The following COL7A1 variants were observed in gnomAD, a reference collection of about 807,000 sequenced individuals.
COL7A1 encodes the protein collagen type VII alpha 1 chain.
COL7A1 carries 296 observed loss-of-function variants against 456.2 expected under a neutral mutation model. The ratio of observed to expected loss-of-function variants is 0.65; its 90% CI spans 0.59 to 0.71. The LOEUF is 0.71. Ranked by LOEUF, COL7A1 falls within the 30% of genes least tolerant of loss-of-function variation. COL7A1 has a pLI of 0.00. For synonymous variants in COL7A1, 1,464 were observed against 1,525.9 expected (o/e 0.96, Z 0.95); for missense variants, 3,441 against 4,017.2 (o/e 0.86, Z 3.88).
In COL7A1 at chr3:48,586,251, G is replaced by T; in HGVS notation, c.3551-5C>A. 1 of 1,613,702 alleles carries T rather than the reference G, an allele frequency of 6.2e-7. No homozygotes were observed. Among genetic ancestry groups the T allele is most frequent in the Non-Finnish European group, 8.5e-7 (1 of 1,180,014 alleles). ...CCAACATCACCACATTAAGCCCTAA[G>T]GTGGGGTCCAGTGGCTGCATGATAG... On this transcript the variant is annotated splice_region_variant and splice_polypyrimidine_tract_variant and intron_variant, in intron 27 of 118. Transcript: ENST00000681320. The surrounding 1 kb of genome is among the most constrained non-coding windows in gnomAD (Gnocchi z 5.1).
rs2045368500 is a variant in COL7A1, at chr3:48,587,619, TGA to T, written c.2858-67_2858-66del. 2 of 1,610,928 alleles carry T rather than the reference TGA, an allele frequency of 1.2e-6. No individual in the cohort carries two copies. The highest frequency in any genetic ancestry group is 2.7e-5 in the African/African-American group (2 of 74,856). On this transcript the variant is annotated intron_variant, in intron 22 of 118. Transcript: ENST00000681320. This position sits in a 1 kb window ranked among gnomAD's most constrained non-coding sequence, Gnocchi z 6.1. ...CCTGAGAACCCAGAAGGGAGAGATC[TGA>T]GATCCTGGGTCCGGTTTGTCTTATT... is the stretch of plus-strand genomic sequence containing the variant.
In COL7A1 at chr3:48,576,715, C is replaced by T. The variant is rs371009419; in HGVS notation, c.5661G>A (p.Gly1887=). Residue 1887 remains glycine (G), a synonymous_variant, in exon 68 of 119, where the codon GGG becomes GGA. Coordinates refer to ENST00000681320, the MANE Select transcript of COL7A1 (RefSeq NM_000094.4). ...CCACTGGCCCTGGGAGGCCTGGAGG[C>T]CCCTGGGGTCCAAGGATACCAGGAG... ...RGAPGILGPQ[G]PPGLPGPVGP... is the part of the protein sequence containing the mutation. The T allele has an allele frequency of 6.2e-7, 1 of 1,610,162 alleles. No individual in the cohort carries two copies. Among genetic ancestry groups the T allele is most frequent in the Non-Finnish European group, 8.5e-7 (1 of 1,178,652 alleles).
chr3:48,591,115 T>C lies in COL7A1; in HGVS notation c.1637-299A>G, dbSNP rs1416927773. On this transcript the variant is annotated intron_variant, in intron 13 of 118. Transcript: ENST00000681320. This position sits in a 1 kb window ranked among gnomAD's most constrained non-coding sequence, Gnocchi z 7.0. Reference sequence around the variant, plus strand: ...CTGATGAGCCATTGACAGACACTGATGTGGGATGGCAGAGGTCAGTGCTGG... The same window carrying C: ...CTGATGAGCCATTGACAGACACTGACGTGGGATGGCAGAGGTCAGTGCTGG... Among the ~76,000 whole-genome samples, 1 of 151,950 alleles carries C rather than the reference T, an allele frequency of 6.6e-6. No homozygotes were observed. Among genetic ancestry groups the C allele is most frequent in the African/African-American group, 2.4e-5 (1 of 41,358 alleles).
In COL7A1 at chr3:48,588,489, G is replaced by C; in HGVS notation, c.2588-85C>G. 6.3e-7 allele frequency: 1 copy of C among 1,592,500 alleles called. No individual in the cohort carries two copies. The highest frequency in any genetic ancestry group is 8.5e-7 in the Non-Finnish European group (1 of 1,173,708). ...AGGCCCACCCTGGCACACGCACCCC[G>C]CCCAGCCTCTCAGACCCCTCTCCCT... is the stretch of plus-strand genomic sequence containing the variant. On this transcript the variant is annotated intron_variant, in intron 20 of 118. Coordinates refer to ENST00000681320, the MANE Select transcript of COL7A1 (RefSeq NM_000094.4). The surrounding 1 kb of genome is among the most constrained non-coding windows in gnomAD (Gnocchi z 4.6).
rs2043670988 is a variant in COL7A1, at chr3:48,567,739, G to A, written c.7954C>T (p.Pro2652Ser). ...TCTCCTTTGTGTCCTGCCAGCCCGG[G>A]GCGGCCTGGGGGACCAGCTTCTCCC... Reference protein sequence around the residue: ...DKGEAGPPGRPGLAGHKGEMG... With the variant: ...DKGEAGPPGRSGLAGHKGEMG... Residue 2652 changes from proline (P) to serine (S), a missense_variant, in exon 108 of 119, where the codon CCC (proline) becomes TCC (serine). Coordinates refer to ENST00000681320, the MANE Select transcript of COL7A1 (RefSeq NM_000094.4). This position sits in a 1 kb window ranked among gnomAD's most constrained non-coding sequence, Gnocchi z 4.3. The A allele has an allele frequency of 6.2e-7, 1 of 1,614,120 alleles. No homozygotes were observed. Among genetic ancestry groups the A allele is most frequent in the Non-Finnish European group, 8.5e-7 (1 of 1,180,026 alleles).
At position 48,566,475 on chromosome 3, in the gene COL7A1, C is replaced by T. The variant is rs1032723931; in HGVS notation, c.8358+35G>A. 3 of 1,613,126 alleles carry T rather than the reference C, an allele frequency of 1.9e-6. No homozygotes were observed. The highest frequency in any genetic ancestry group is 2.5e-6 in the Non-Finnish European group (3 of 1,179,668). On this transcript the variant is annotated intron_variant, in intron 113 of 118. Coordinates refer to ENST00000681320, the MANE Select transcript of COL7A1 (RefSeq NM_000094.4). The surrounding 1 kb of genome is among the most constrained non-coding windows in gnomAD (Gnocchi z 5.9). ...GGGCCCCAGCCCACCCAGGCCCACC[C>T]AGGCCCTCCCAGGCCCATCCAGGCC...
Position 48,579,780 on chromosome 3 carries a change from A to G in COL7A1, c.5154+5T>C, listed in dbSNP as rs2854400. 6,253 of 1,614,038 alleles carry G rather than the reference A, an allele frequency of 3.9e-3. 18 individuals carry two copies. Among genetic ancestry groups the G allele is most frequent in the Non-Finnish European group, 4.8e-3 (5,607 of 1,180,004 alleles). On this transcript the variant is annotated splice_donor_5th_base_variant and intron_variant, in intron 58 of 118. Transcript: ENST00000681320. The surrounding 1 kb of genome is among the most constrained non-coding windows in gnomAD (Gnocchi z 4.4). Reference sequence around the variant, plus strand: ...TTCTTACCCTCCACCCACAGACCCTAATACCTTCTCTCTGGCTCCAGGTCC... The same window carrying G: ...TTCTTACCCTCCACCCACAGACCCTGATACCTTCTCTCTGGCTCCAGGTCC...
In COL7A1 at chr3:48,582,471, G is replaced by A. The variant is rs747124326; in HGVS notation, c.4599+7C>T. On this transcript the variant is annotated splice_region_variant and intron_variant, in intron 46 of 118. Transcript: ENST00000681320. The stretch of plus-strand genomic sequence containing the variant: ...CCAGACAGTGCCACCCCCAGCCGAG[G>A]ACCCACCTTCTCTCCTTGGCGGCCA... The A allele has an allele frequency of 1.9e-6, 3 of 1,614,132 alleles. No homozygotes were observed. Among genetic ancestry groups the A allele is most frequent in the South Asian group, 1.1e-5 (1 of 91,080 alleles).
Position 48,566,910 on chromosome 3 carries a change from C to CT in COL7A1, c.8222dup (p.Lys2742GlufsTer3). The stretch of plus-strand genomic sequence containing the variant: ...AGTCAGAGCTGGGGCCCCTTACCTT[C>CT]TGGCCCTGAAGTCCTTCGGGGCCTC... On this transcript the variant is annotated frameshift_variant, in exon 111 of 119. Coordinates refer to ENST00000681320, the MANE Select transcript of COL7A1 (RefSeq NM_000094.4). LOFTEE classifies it high-confidence loss of function. This position sits in a 1 kb window ranked among gnomAD's most constrained non-coding sequence, Gnocchi z 5.9. 1 of 1,602,152 alleles carries CT rather than the reference C, an allele frequency of 6.2e-7. No homozygotes were observed. Among genetic ancestry groups the CT allele is most frequent in the Non-Finnish European group, 8.5e-7 (1 of 1,172,914 alleles).
rs1348605501 is a variant in COL7A1, at chr3:48,584,385, G to C, written c.4120-10C>G. The C allele has an allele frequency of 6.2e-7, 1 of 1,613,640 alleles. No homozygotes were observed. Among genetic ancestry groups the C allele is most frequent in the Non-Finnish European group, 8.5e-7 (1 of 1,179,814 alleles). Reference sequence around the variant, plus strand: ...GAGGTCCAGGGGGGCCCTGATGGAGGAGACAAAGTATAAGGTGCAACCCCA... The same window carrying C: ...GAGGTCCAGGGGGGCCCTGATGGAGCAGACAAAGTATAAGGTGCAACCCCA... On this transcript the variant is annotated splice_polypyrimidine_tract_variant and intron_variant, in intron 36 of 118. Transcript: ENST00000681320.
Position 48,581,906 on chromosome 3 carries a change from C to G in COL7A1, c.4668+5G>C, listed in dbSNP as rs2044787611. On this transcript the variant is annotated splice_donor_5th_base_variant and intron_variant, in intron 48 of 118. Coordinates refer to ENST00000681320, the MANE Select transcript of COL7A1 (RefSeq NM_000094.4). This position sits in a 1 kb window ranked among gnomAD's most constrained non-coding sequence, Gnocchi z 5.8. The stretch of plus-strand genomic sequence containing the variant: ...AAACCTCCCCTTGCCCCATACCAGG[C>G]TTACCTTTTCTCCTTTGGGTCCAGC... 1 of 1,613,968 alleles carries G rather than the reference C, an allele frequency of 6.2e-7. No individual in the cohort carries two copies. The highest frequency in any genetic ancestry group is 8.5e-7 in the Non-Finnish European group (1 of 1,180,034).
In COL7A1 at chr3:48,594,463, G is replaced by A. The variant is rs747663542; in HGVS notation, c.171C>T (p.Val57=). ...GCACCAGCCCTTCGAGAAAGCTGCGGACCTCGCGGAAATTGCTGCGGCCAA... is the reference window on the plus strand; with the variant it reads ...GCACCAGCCCTTCGAGAAAGCTGCGAACCTCGCGGAAATTGCTGCGGCCAA... ...SSIGRSNFRE[V]RSFLEGLVLP... The change falls in exon 3 of 119, where the codon GTC becomes GTT. Residue 57 remains valine (V), a synonymous_variant. Transcript: ENST00000681320. This position sits in a 1 kb window ranked among gnomAD's most constrained non-coding sequence, Gnocchi z 5.5. The A allele has an allele frequency of 2.5e-6, 4 of 1,612,370 alleles. No homozygotes were observed. The South Asian group carries it at 3.3e-5, about 13-fold the overall frequency.
In COL7A1 at chr3:48,576,669, C is replaced by A. The variant is rs1403106724; in HGVS notation, c.5700+7G>T. On this transcript the variant is annotated splice_region_variant and intron_variant, in intron 68 of 118. Coordinates refer to ENST00000681320, the MANE Select transcript of COL7A1 (RefSeq NM_000094.4). ...TCTGAAGTCCCAGAATGACCCAGGA[C>A]ACTCACCTGGCCAGGAGGGCCCACT... 1 of 1,602,686 alleles carries A rather than the reference C, an allele frequency of 6.2e-7. No individual in the cohort carries two copies. Among genetic ancestry groups the A allele is most frequent in the Non-Finnish European group, 8.5e-7 (1 of 1,175,206 alleles).
Position 48,580,327 on chromosome 3 carries a change from A to G in COL7A1, c.5070T>C (p.Ser1690=), listed in dbSNP as rs1253418566. 6.2e-7 allele frequency: 1 copy of G among 1,610,226 alleles called. No homozygotes were observed. The highest frequency in any genetic ancestry group is 8.5e-7 in the Non-Finnish European group (1 of 1,178,188). ...EDGRNGSPGS[S]GPKGDRGEPG... ...GCTCCCCACGGTCACCCTTGGGTCCAGATGATCCAGGGCTGCCCTGCAGAA... is the reference window on the plus strand; with the variant it reads ...GCTCCCCACGGTCACCCTTGGGTCCGGATGATCCAGGGCTGCCCTGCAGAA... The change falls in exon 56 of 119, where the codon TCT becomes TCC. Residue 1690 remains serine, a synonymous_variant. Coordinates refer to ENST00000681320, the MANE Select transcript of COL7A1 (RefSeq NM_000094.4). This position sits in a 1 kb window ranked among gnomAD's most constrained non-coding sequence, Gnocchi z 4.5.
chr3:48,571,049 T>A lies in COL7A1; in HGVS notation c.7164+52A>T. 6.2e-7 allele frequency: 1 copy of A among 1,612,324 alleles called. No homozygotes were observed. The highest frequency in any genetic ancestry group is 8.5e-7 in the Non-Finnish European group (1 of 1,178,604). On this transcript the variant is annotated intron_variant, in intron 94 of 118. Transcript: ENST00000681320. This position sits in a 1 kb window ranked among gnomAD's most constrained non-coding sequence, Gnocchi z 4.6. ...TCTCATCAGAACTCCCTCTTCCTCC[T>A]GTGGGGGCCCGGCCTGCTGCCCCTA...
chr3:48,574,981 A>G lies in COL7A1; in HGVS notation c.6279+83T>C, dbSNP rs1575438060. ...GTCAGAAATTCCAGGGTTATGGCAC[A>G]CACTACCATATTTCTGGGGACCAAG... On this transcript the variant is annotated intron_variant, in intron 76 of 118. Coordinates refer to ENST00000681320, the MANE Select transcript of COL7A1 (RefSeq NM_000094.4). This position sits in a 1 kb window ranked among gnomAD's most constrained non-coding sequence, Gnocchi z 5.0. The G allele has an allele frequency of 3.8e-6, 6 of 1,563,584 alleles. No homozygotes were observed. The East Asian group carries it at 1.3e-4, about 35-fold the overall frequency.
In COL7A1 at chr3:48,581,476, A is replaced by G; in HGVS notation, c.4790T>C (p.Ile1597Thr). The G allele has an allele frequency of 4.3e-6, 7 of 1,614,076 alleles. No individual in the cohort carries two copies. The highest frequency in any genetic ancestry group is 1.3e-5 in the African/African-American group (1 of 75,006). The change falls in exon 51 of 119, where the codon ATT becomes ACT. Residue 1597 changes from isoleucine to threonine, a missense_variant. Around this residue, in one of 3 missense-constraint regions of COL7A1, gnomAD observed 2,084 missense variants for 2,501.3 expected, o/e 0.83. Transcript: ENST00000681320. The surrounding 1 kb of genome is among the most constrained non-coding windows in gnomAD (Gnocchi z 5.8). ...PKGDPGDRGP[I>T]GLTGRAGPPG... ...GGGTCCTGCTCTGCCAGTAAGGCCA[A>G]TGGGACCCTGAAGGGGACAGAAGGG... is the stretch of plus-strand genomic sequence containing the variant.
chr3:48,577,497 TTGTGTGTAGCTCAA>T (rs1397608250), intron 65 of COL7A1, among the ~76,000 whole-genome samples: 2 of 152,234 alleles, frequency 1.3e-5, no homozygotes, highest in East Asian at 1.9e-4. Flanking sequence ...TCTGCAACTC[TTGTGTGTAGCTCAA>T]TGTGTATGAC....
intron 67 of COL7A1, 46 bp downstream of exon 67, chr3:48,576,838 G>C (rs771587525): frequency 5.6e-6 from 9 of 1,613,862 alleles, no homozygotes; most frequent in Non-Finnish European, 7.6e-6. Context: ...TATTCCCCCA[G>C]GGTCAGGGTC....
Sources: allele counts gnomAD v4.1 joint callset (sites outside exome capture counted in the v4.1 genomes callset), GRCh38; gene constraint gnomAD v4.1.1; regional missense constraint gnomAD v4.1.1; non-coding constraint Gnocchi (gnomAD v3.1); transcripts MANE v1.5; gene names NCBI Gene and HGNC (gene_info 2026-07-23, HGNC 2026-07-21).